Variants in ZNF678 observed in about 807,000 individuals in gnomAD.
ZNF678 encodes the protein zinc finger protein 678, also known as hypothetical protein MGC42493.
A neutral mutation model predicts 3.0 loss-of-function variants in ZNF678; 5 were observed. The ratio of observed to expected loss-of-function variants is 1.69; its 90% CI spans 0.88 to 3.56. The LOEUF is 3.56. Among genes scored for constraint, ZNF678 ranks in the 30% most tolerant of loss-of-function variants. The pLI, the probability that ZNF678 is intolerant of heterozygous loss-of-function variation, is 0.00. For synonymous variants in ZNF678, 218 were observed against 199.6 expected, an observed-to-expected ratio of 1.09 and a Z score of -0.78; for missense variants, 593 against 605.0, an observed-to-expected ratio of 0.98 and a Z score of 0.21.
intron 1 of ZNF678, among the ~76,000 whole-genome samples, chr1:227,591,595 G>A (rs543781657): frequency 2.0e-5 from 3 of 151,892 alleles, no homozygotes; most frequent in East Asian, 1.9e-4. Flanking sequence ...CACTTTACTC[G>A]TATCATTTAT....
At chr1:227,666,449 C>T (rs541587010), downstream of ZNF678, among the ~76,000 whole-genome samples, 1 of 152,258 alleles carries the variant, frequency 6.6e-6, no homozygotes, top group African/African-American at 2.4e-5. Context: ...AGTCAGCGTT[C>T]ACTAATGAGT....
rs1162554994 is a variant in ZNF678, at chr1:227,658,256, A to G, written c.*2428A>G. 2.5e-4 allele frequency: 38 copies of G among 151,722 alleles called. No individual in the cohort carries two copies. 9.4% of individuals were successfully genotyped at this position (151,722 alleles called of 1,614,324 possible). On this transcript the variant is annotated 3_prime_UTR_variant, in exon 4 of 4. Transcript: ENST00000343776. ...TTTAGATGTACACTGGGAAGGCTTC[A>G]TAATTCACAAAGTTGTTTTGACATA...
intron 5 of ZNF678, among the ~76,000 whole-genome samples, chr1:227,673,841 G>A (rs1341258975): frequency 2.0e-5 from 3 of 152,130 alleles, no homozygotes; most frequent in Non-Finnish European, 2.9e-5. Context: ...AAAGGTAATT[G>A]TACATATTTA....
At position 227,658,428 on chromosome 1, in the gene ZNF678, ACT is replaced by A. The variant is rs1194600959; in HGVS notation, c.*2603_*2604del. ...TATTCAGCATAAAGAGATGGCATTAACTCTGCATGTAAAGAAAACACATGTAT... is the reference window on the plus strand; with the variant it reads ...TATTCAGCATAAAGAGATGGCATTAACTGCATGTAAAGAAAACACATGTAT... On this transcript the variant is annotated 3_prime_UTR_variant, in exon 4 of 4. Coordinates refer to ENST00000343776, the MANE Select transcript of ZNF678 (RefSeq NM_001367909.1). 6.6e-6 allele frequency: 1 copy of A among 152,000 alleles called. No homozygotes were observed. Among genetic ancestry groups the A allele is most frequent in the Admixed American group, 6.6e-5 (1 of 15,236 alleles). 9.4% of individuals were successfully genotyped at this position (152,000 alleles called of 1,614,324 possible). A position where few individuals can be genotyped will look rare whatever the true frequency, so the allele number is the denominator to read the frequency against.
chr1:227,573,657 CTTTTTA>C (rs1656912590), intron 1 of ZNF678, among the ~76,000 whole-genome samples: 1 of 113,950 alleles, frequency 8.8e-6, no homozygotes, highest in Admixed American at 7.8e-5. Context: ...CTCAGTACTG[CTTTTTA>C]TTTTTATTTT....
chr1:227,589,217 TG>T (rs1447304261), intron 1 of ZNF678, among the ~76,000 whole-genome samples: 9 of 151,834 alleles, frequency 5.9e-5, no homozygotes, highest in Non-Finnish European at 1.3e-4. Flanking sequence ...ACTTTGCCTG[TG>T]CCTATGTGCT....
intron 1 of ZNF678, among the ~76,000 whole-genome samples, chr1:227,576,934 C>G (rs1657001456): frequency 6.6e-6 from 1 of 152,156 alleles, no homozygotes; most frequent in Non-Finnish European, 1.5e-5. Context: ...TATGTTGTAT[C>G]TTTATTCTCA....
rs141885760 is a variant in ZNF678 at position 227,614,843 on chromosome 1, A to C, written c.-163-31701A>C. 3.9e-5 allele frequency among the ~76,000 whole-genome samples: 6 copies of C among 152,346 alleles called. 2 individuals are homozygous for C. Among genetic ancestry groups the C allele is most frequent in the African/African-American group, 1.4e-4 (6 of 41,594 alleles). ...TCTCTGTCCTGCACCCAGAATGCCC[A>C]CACAGACTGTCCCACCAACCCTGAC... On this transcript the variant is annotated intron_variant, in intron 1 of 3. Transcript: ENST00000343776.
chr1:227,669,544 G>A (rs1272463339), intron 5 of ZNF678, among the ~76,000 whole-genome samples: 1 of 151,852 alleles, frequency 6.6e-6, no homozygotes, highest in African/African-American at 2.4e-5. Flanking sequence ...AGCTACTCAG[G>A]AGGCTGAGGC....
Position 227,638,639 on chromosome 1 carries a change from G to A in ZNF678, c.-163-7905G>A, listed in dbSNP as rs1040787098. Among the ~76,000 whole-genome samples, 4 of 152,126 alleles carry A rather than the reference G, an allele frequency of 2.6e-5. No individual in the cohort carries two copies. Among genetic ancestry groups the A allele is most frequent in the Non-Finnish European group, 5.9e-5 (4 of 68,024 alleles). On this transcript the variant is annotated intron_variant, in intron 1 of 3. Coordinates refer to ENST00000343776, the MANE Select transcript of ZNF678 (RefSeq NM_001367909.1). This position sits in a 1 kb window ranked among gnomAD's most constrained non-coding sequence, Gnocchi z 4.2. Reference sequence around the variant, plus strand: ...TTGGAGGAGTAGAAGAAAGTTAGAAGTACCACAGGGGTCTAGGTGGATGTC... The same window carrying A: ...TTGGAGGAGTAGAAGAAAGTTAGAAATACCACAGGGGTCTAGGTGGATGTC...
chr1:227,611,841 CAG>C (rs1273208405), intron 1 of ZNF678, among the ~76,000 whole-genome samples: 1 of 152,106 alleles, frequency 6.6e-6, no homozygotes, highest in African/African-American at 2.4e-5. Flanking sequence ...CTACTGAAAA[CAG>C]AGATCTCCAC....
At chr1:227,567,687 T>C (rs1656729591) in intron 1 of ZNF678, among the ~76,000 whole-genome samples, 1 of 151,256 alleles carries the variant, frequency 6.6e-6, no homozygotes, top group Non-Finnish European at 1.5e-5. Flanking sequence ...ACTTAATTCT[T>C]TTTTTTTTGA....
At chr1:227,610,281 A>G (rs888286969) in intron 1 of ZNF678, among the ~76,000 whole-genome samples, 4 of 152,236 alleles carry the variant, frequency 2.6e-5, no homozygotes, top group Non-Finnish European at 5.9e-5. Flanking sequence ...CAAGGATTTA[A>G]TAAATAGCAG....
chr1:227,661,270 T>G lies in ZNF678; in HGVS notation c.*5442T>G, dbSNP rs1208493071. The G allele has an allele frequency of 6.7e-6, 1 of 150,272 alleles. No homozygotes were observed. The highest frequency in any genetic ancestry group is 1.5e-5 in the Non-Finnish European group (1 of 67,756). 9.3% of individuals were successfully genotyped at this position (150,272 alleles called of 1,614,324 possible). On this transcript the variant is annotated 3_prime_UTR_variant, in exon 4 of 4. Coordinates refer to ENST00000343776, the MANE Select transcript of ZNF678 (RefSeq NM_001367909.1). ...ATTTTGTTGAACGTGGGACCTTTGT[T>G]TTTTTTTGTTGTTTTGTTTTGTTTT...
At chr1:227,603,137 T>G (rs1448693982) in intron 1 of ZNF678, among the ~76,000 whole-genome samples, 1 of 152,180 alleles carries the variant, frequency 6.6e-6, no homozygotes, top group Non-Finnish European at 1.5e-5. Flanking sequence ...CACGTGTGAA[T>G]GAAGTCTCAG....
chr1:227,633,218 G>C (rs774960481), intron 1 of ZNF678, among the ~76,000 whole-genome samples: 4 of 152,208 alleles, frequency 2.6e-5, no homozygotes, highest in Admixed American at 6.5e-5. Flanking sequence ...GGAACAAACA[G>C]ACCAGAAGAG....
At chr1:227,675,203 A>G (rs192709779) in intron 5 of ZNF678, among the ~76,000 whole-genome samples, 2 of 152,254 alleles carry the variant, frequency 1.3e-5, no homozygotes, top group Admixed American at 6.5e-5. Context: ...TGCCCTTATA[A>G]GAAGATGCAC....
intron 1 of ZNF678, among the ~76,000 whole-genome samples, chr1:227,616,158 T>A (rs539059219): frequency 2.7e-4 from 41 of 152,332 alleles, no homozygotes; most frequent in African/African-American, 9.9e-4. Context: ...AACACCTGTT[T>A]ACCTATTTTC....
chr1:227,668,830 T>C (rs1222660589), intron 5 of ZNF678, among the ~76,000 whole-genome samples: 3 of 152,242 alleles, frequency 2.0e-5, no homozygotes, highest in Non-Finnish European at 4.4e-5. Flanking sequence ...CGTTTCTTCA[T>C]TGCTTGTTTT....
Sources: gnomAD v4.1 joint callset for allele counts (sites outside exome capture counted in the v4.1 genomes callset) on GRCh38, gnomAD v4.1.1 for gene constraint, Gnocchi (gnomAD v3.1) non-coding constraint, MANE v1.5 for transcripts, NCBI Gene and HGNC (gene_info 2026-07-23, HGNC 2026-07-21) for gene names.